Variants in UGT2A2 observed in about 807,000 individuals in gnomAD.
The protein encoded by UGT2A2 is UDP-glucuronosyltransferase 2A2.
A neutral mutation model predicts 50.7 loss-of-function variants in UGT2A2; 60 were observed. The ratio of observed to expected loss-of-function variants is 1.18; its 90% CI spans 0.96 to 1.47. The LOEUF (loss-of-function observed/expected upper bound fraction) is 1.47, where lower values mean the gene tolerates loss of function less well. Ranked by LOEUF, UGT2A2 falls within the 40% of genes most tolerant of loss-of-function variation. The pLI, the probability that UGT2A2 is intolerant of heterozygous loss-of-function variation, is 0.00. For synonymous variants in UGT2A2, 242 were observed against 214.6 expected (o/e 1.13, Z -1.11); for missense variants, 762 against 634.0 (o/e 1.20, Z -2.17).
At chr4:69,629,684 A>G (rs1171421584) in intron 1 of UGT2A2, among the ~76,000 whole-genome samples, 1 of 152,094 alleles carries the variant, frequency 6.6e-6, no homozygotes, top group Non-Finnish European at 1.5e-5. Flanking sequence ...TAAATCCTGT[A>G]CAACTCTACT....
At chr4:69,617,112 C>T (rs2109928802) in intron 1 of UGT2A2, among the ~76,000 whole-genome samples, 1 of 151,982 alleles carries the variant, frequency 6.6e-6, no homozygotes, top group Admixed American at 6.6e-5. Flanking sequence ...GTTAGAATTA[C>T]AGAACTATTG....
intron 2 of UGT2A2, among the ~76,000 whole-genome samples, chr4:69,597,059 A>T (rs1718972871): frequency 1.3e-5 from 2 of 152,208 alleles, no homozygotes; most frequent in African/African-American, 4.8e-5. Flanking sequence ...AAGGATACTG[A>T]GCTAGGCTTT....
chr4:69,590,753 A>G (rs1718550811), intron 5 of UGT2A2, among the ~76,000 whole-genome samples: 1 of 152,178 alleles, frequency 6.6e-6, no homozygotes, highest in South Asian at 2.1e-4. Flanking sequence ...AAATTTGTAC[A>G]TGTGAATCAA....
At chr4:69,614,786 T>G (rs564873759) in intron 1 of UGT2A2, among the ~76,000 whole-genome samples, 2 of 152,170 alleles carry the variant, frequency 1.3e-5, no homozygotes, top group South Asian at 4.1e-4. Flanking sequence ...AGTGGACCTC[T>G]GAGTAGTCTG....
At chr4:69,593,462 T>C (rs1246400933) in intron 5 of UGT2A2, among the ~76,000 whole-genome samples, 1 of 151,594 alleles carries the variant, frequency 6.6e-6, no homozygotes, top group South Asian at 2.1e-4. Context: ...CAAAATTACA[T>C]ATACATATAT....
chr4:69,595,075 A>G (rs1017949382), intron 4 of UGT2A2, 87 bp downstream of exon 4: 7 of 1,495,580 alleles, frequency 4.7e-6, no homozygotes, highest in Non-Finnish European at 6.4e-6. Flanking sequence ...TAAATTATTA[A>G]AAATGTATTG....
In UGT2A2 at chr4:69,594,548, C is replaced by T. The variant is rs747112801; in HGVS notation, c.1260G>A (p.Val420=). 3.7e-6 allele frequency: 6 copies of T among 1,614,016 alleles called. No individual in the cohort carries two copies. In the African/African-American group the frequency reaches 8.0e-5, roughly 22 times the overall value. The change falls in exon 5 of 6, where the codon GTG becomes GTA. Residue 420 remains valine (V), a synonymous_variant. Transcript: ENST00000604629. ...TTGTCATTGTGTTTAGGTTCACTTC[C>T]ACAGCTGCTCCTTTGGCCTTCATGT... The part of the protein sequence containing the change: ...IAHMKAKGAA[V]EVNLNTMTSV...
At chr4:69,633,324 T>C (rs977536738) in intron 1 of UGT2A2, among the ~76,000 whole-genome samples, 1 of 152,140 alleles carries the variant, frequency 6.6e-6, no homozygotes, top group Non-Finnish European at 1.5e-5. Context: ...CAATACCAAG[T>C]GTTGATGACA....
At chr4:69,615,957 C>T (rs895261784) in intron 1 of UGT2A2, among the ~76,000 whole-genome samples, 3 of 151,922 alleles carry the variant, frequency 2.0e-5, no homozygotes, top group African/African-American at 7.3e-5. Flanking sequence ...ATCTGTACAC[C>T]CATGTTTATT....
chr4:69,620,678 A>G (rs1318935636), intron 1 of UGT2A2, among the ~76,000 whole-genome samples: 1 of 151,352 alleles, frequency 6.6e-6, no homozygotes, highest in Non-Finnish European at 1.5e-5. Context: ...GAGCCACAAA[A>G]GCCAAGGCAA....
intron 1 of UGT2A2, among the ~76,000 whole-genome samples, chr4:69,632,521 A>G (rs771548742): frequency 5.3e-4 from 81 of 152,174 alleles, no homozygotes; most frequent in Admixed American, 2.1e-3. Context: ...GACCAACTAA[A>G]AACAGGAGGG....
chr4:69,593,313 G>T (rs925550476), intron 5 of UGT2A2, among the ~76,000 whole-genome samples: 9 of 151,588 alleles, frequency 5.9e-5, no homozygotes, highest in Non-Finnish European at 8.8e-5. Flanking sequence ...GTAAATGTGA[G>T]AAAAAAATGA....
At position 69,596,391 on chromosome 4, in the gene UGT2A2, T is replaced by C; in HGVS notation, c.892-10A>G. On this transcript the variant is annotated splice_polypyrimidine_tract_variant and intron_variant, in intron 2 of 5. Coordinates refer to ENST00000604629, the MANE Select transcript of UGT2A2 (RefSeq NM_001105677.2). ...TAAATTCTTCCATTTCCTGCATACA[T>C]AATATATTTTCTATTACAAAGGTGT... is the stretch of plus-strand genomic sequence containing the variant. 1 of 1,559,218 alleles carries C rather than the reference T, an allele frequency of 6.4e-7. No homozygotes were observed. The highest frequency in any genetic ancestry group is 1.2e-5 in the South Asian group (1 of 82,374).
chr4:69,618,709 A>C (rs1448675162), intron 1 of UGT2A2, among the ~76,000 whole-genome samples: 17 of 152,008 alleles, frequency 1.1e-4, no homozygotes, highest in Admixed American at 1.1e-3. Flanking sequence ...TTCTAAGTTC[A>C]ATCAATTCTA....
At chr4:69,627,490 A>G (rs1280582930) in intron 1 of UGT2A2, among the ~76,000 whole-genome samples, 1 of 149,842 alleles carries the variant, frequency 6.7e-6, no homozygotes, top group Non-Finnish European at 1.5e-5. Flanking sequence ...GCAGGCAGGC[A>G]TGCAGGAAGG....
At position 69,599,320 on chromosome 4, in the gene UGT2A2, A is replaced by G; in HGVS notation, c.817T>C (p.Phe273Leu). 1 of 1,613,930 alleles carries G rather than the reference A, an allele frequency of 6.2e-7. No individual in the cohort carries two copies. Among genetic ancestry groups the G allele is most frequent in the South Asian group, 1.1e-5 (1 of 91,060 alleles). ...WLIRTYWDFE[F>L]PRPYLPNFEF... is the part of the protein sequence containing the mutation. Reference sequence around the variant, plus strand: ...AAATTAGGTAAGTATGGACGAGGAAATTCAAAATCCCAATATGTTCGGATT... The same window carrying G: ...AAATTAGGTAAGTATGGACGAGGAAGTTCAAAATCCCAATATGTTCGGATT... The change falls in exon 2 of 6, where the codon TTT becomes CTT. Residue 273 changes from phenylalanine to leucine, a missense_variant. By Grantham distance (22) the Phe-to-Leu change is conservative (BLOSUM62 0). Transcript: ENST00000604629.
At chr4:69,621,596 T>C (rs1720761418) in intron 1 of UGT2A2, among the ~76,000 whole-genome samples, 1 of 151,912 alleles carries the variant, frequency 6.6e-6, no homozygotes, top group Non-Finnish European at 1.5e-5. Flanking sequence ...AGTGTGGTGA[T>C]TCCTCAAAGC....
intron 1 of UGT2A2, among the ~76,000 whole-genome samples, chr4:69,628,758 T>C (rs925667156): frequency 6.8e-6 from 1 of 147,728 alleles, no homozygotes; most frequent in African/African-American, 2.5e-5. Context: ...TAATACTAAA[T>C]GTAAAGTTTC....
At chr4:69,631,024 A>G (rs1721353247) in intron 1 of UGT2A2, among the ~76,000 whole-genome samples, 1 of 152,158 alleles carries the variant, frequency 6.6e-6, no homozygotes, top group Non-Finnish European at 1.5e-5. Context: ...TCTAGATATG[A>G]AATCATCGAC....
Sources: gnomAD v4.1 joint callset for allele counts (sites outside exome capture counted in the v4.1 genomes callset) on GRCh38, gnomAD v4.1.1 for gene constraint, MANE v1.5 for transcripts, NCBI Gene and HGNC (gene_info 2026-07-23, HGNC 2026-07-21) for gene names.